The following PDE1C variants were observed in gnomAD, a reference collection of about 807,000 sequenced individuals.
PDE1C encodes phosphodiesterase 1C, also known as dual specificity calcium/calmodulin-dependent 3',5'-cyclic nucleotide phosphodiesterase 1C.
PDE1C carries 62 observed loss-of-function variants against 93.1 expected under a neutral mutation model. That is an observed-to-expected ratio of 0.67 (90% CI 0.54 to 0.82). The LOEUF is 0.82. PDE1C is among the 40% of genes least tolerant of loss of function. The pLI, the probability that PDE1C is intolerant of heterozygous loss-of-function variation, is 0.00. For missense variants in PDE1C, 742 were observed against 884.6 expected (o/e 0.84, Z 2.04); for synonymous variants, 325 against 310.1 (o/e 1.05, Z -0.50).
chr7:32,356,870 A>G lies in PDE1C; in HGVS notation c.310+70952T>C, dbSNP rs1784040200. On this transcript the variant is annotated intron_variant, in intron 1 of 1. Transcript: ENST00000672256. ...TGATTTCCATAGCTAAGAGAGTGAA[A>G]TTCATCCCCGGGTTTGAAAAGCGAG... 3.3e-5 allele frequency among the ~76,000 whole-genome samples: 5 copies of G among 152,228 alleles called. No homozygotes were observed. The South Asian group carries it at 1.0e-3, about 32-fold the overall frequency.
At chr7:32,118,012 G>A (rs766855) in intron 3 of PDE1C, among the ~76,000 whole-genome samples, 19,153 of 152,144 alleles carry the variant, frequency 0.13, 2,144 homozygotes, top group African/African-American at 0.3. Context: ...TGAGCAAGAG[G>A]AGGACAAGCT....
At chr7:31,711,946 C>G in the PDE1C span, among the ~76,000 whole-genome samples, 3 of 152,176 alleles carry the variant, frequency 2.0e-5, no homozygotes, top group African/African-American at 7.2e-5. Flanking sequence ...TCTCCCTTCC[C>G]TCCTACCCAT....
At chr7:32,074,422 G>C (rs1232005659), upstream of PDE1C, among the ~76,000 whole-genome samples, 4 of 152,176 alleles carry the variant, frequency 2.6e-5, no homozygotes, top group African/African-American at 9.7e-5. Context: ...CTTTAGCATA[G>C]TTTAATTATG....
intron 16 of PDE1C, among the ~76,000 whole-genome samples, chr7:31,779,910 G>T (rs1469060011): frequency 6.6e-6 from 1 of 152,244 alleles, no homozygotes; most frequent in African/African-American, 2.4e-5. Flanking sequence ...CTCATGTCCA[G>T]GAAGAACATC....
the PDE1C span, among the ~76,000 whole-genome samples, chr7:31,620,217 G>C: frequency 5.3e-5 from 8 of 152,124 alleles, no homozygotes; most frequent in East Asian, 1.9e-4. Context: ...AACCTCTTCA[G>C]ACTTAAATGT....
chr7:32,187,420 C>T (rs1803955805), intron 2 of PDE1C, among the ~76,000 whole-genome samples: 1 of 151,956 alleles, frequency 6.6e-6, no homozygotes, highest in Admixed American at 6.6e-5. Flanking sequence ...TTACCTTTCC[C>T]ATCTCTTTCT....
chr7:31,650,342 C>G, the PDE1C span, among the ~76,000 whole-genome samples: 3 of 152,112 alleles, frequency 2.0e-5, no homozygotes, highest in Non-Finnish European at 2.9e-5. Context: ...GGGACACAGC[C>G]TTGTGCTGCT....
chr7:32,140,940 A>G (rs142456177), intron 3 of PDE1C, among the ~76,000 whole-genome samples: 8 of 152,346 alleles, frequency 5.3e-5, no homozygotes, highest in Middle Eastern at 6.8e-3. Context: ...TTGATTCCCT[A>G]TGGACTCTCT....
chr7:32,305,191 C>G (rs988522955), intron 1 of PDE1C, among the ~76,000 whole-genome samples: 2 of 152,212 alleles, frequency 1.3e-5, no homozygotes, highest in African/African-American at 4.8e-5. Context: ...TTCCATGATA[C>G]TTCTGTCAGC....
chr7:32,362,873 G>A (rs979327655), intron 1 of PDE1C, among the ~76,000 whole-genome samples: 3 of 152,224 alleles, frequency 2.0e-5, no homozygotes, highest in African/African-American at 7.2e-5. Context: ...GTGTGGCTGG[G>A]TGGCACCTGG....
At chr7:31,636,548 G>A in the PDE1C span, among the ~76,000 whole-genome samples, 1 of 151,988 alleles carries the variant, frequency 6.6e-6, no homozygotes, top group African/African-American at 2.4e-5. Context: ...CTTTTACCAA[G>A]GCTCAACCTC....
At position 31,823,217 on chromosome 7, in the gene PDE1C, G is replaced by A. The variant is rs769715570; in HGVS notation, c.1438C>T (p.Arg480Ter). Reference sequence around the variant, plus strand: ...GAACCAGAGGTCTTGACACCTGATCGCTTGGCATCTGACGAGCTGATGCTA... The same window carrying A: ...GAACCAGAGGTCTTGACACCTGATCACTTGGCATCTGACGAGCTGATGCTA... ...LNSISSSDAK[R>*]SGVKTSGSEG... The change falls in exon 14 of 18, where the codon CGA becomes TGA. Residue 480 changes from arginine to a stop codon, truncating the protein, a stop_gained. Transcript: ENST00000396191. LOFTEE classifies it high-confidence loss of function. 14 of 1,611,406 alleles carry A rather than the reference G, an allele frequency of 8.7e-6. No individual in the cohort carries two copies. Among genetic ancestry groups the A allele is most frequent in the South Asian group, 1.1e-5 (1 of 90,628 alleles).
At chr7:32,387,696 C>A (rs1445063087) in intron 1 of PDE1C, among the ~76,000 whole-genome samples, 5 of 147,936 alleles carry the variant, frequency 3.4e-5, no homozygotes, top group African/African-American at 1.3e-4. Flanking sequence ...CCCCCACCTC[C>A]CTCCCGGACG....
At chr7:32,158,814 T>C (rs1801733635) in intron 3 of PDE1C, among the ~76,000 whole-genome samples, 2 of 152,242 alleles carry the variant, frequency 1.3e-5, no homozygotes, top group Admixed American at 1.3e-4. Flanking sequence ...CGAAGATTTC[T>C]GCCTGCGGAA....
the PDE1C span, among the ~76,000 whole-genome samples, chr7:31,715,607 T>C: frequency 6.6e-6 from 1 of 152,248 alleles, no homozygotes; most frequent in East Asian, 1.9e-4. Flanking sequence ...TGAGTCTGTC[T>C]TCTCCATGTG....
intron 3 of PDE1C, among the ~76,000 whole-genome samples, chr7:32,127,198 C>T (rs1277893133): frequency 6.6e-6 from 1 of 152,156 alleles, no homozygotes; most frequent in East Asian, 1.9e-4. Context: ...ATAATACCAT[C>T]TGCTCTCTCT....
At chr7:32,419,852 A>G (rs1435972707) in intron 1 of PDE1C, among the ~76,000 whole-genome samples, 1 of 151,384 alleles carries the variant, frequency 6.6e-6, no homozygotes, top group Non-Finnish European at 1.5e-5. Context: ...TCTGGTTCCT[A>G]ATCCTAACTC....
chr7:32,144,142 G>T (rs1348950104), intron 3 of PDE1C, among the ~76,000 whole-genome samples: 1 of 152,160 alleles, frequency 6.6e-6, no homozygotes, highest in Non-Finnish European at 1.5e-5. Flanking sequence ...AGGAACTCAT[G>T]GTGACTTAAG....
At chr7:32,005,116 T>G (rs1240610041) in intron 2 of PDE1C, among the ~76,000 whole-genome samples, 1 of 152,168 alleles carries the variant, frequency 6.6e-6, no homozygotes, top group Non-Finnish European at 1.5e-5. Context: ...TAGAGCACCT[T>G]TAAAACATTG....
Sources: allele counts gnomAD v4.1 joint callset (sites outside exome capture counted in the v4.1 genomes callset), GRCh38; gene constraint gnomAD v4.1.1; transcripts MANE v1.5; gene names NCBI Gene and HGNC (gene_info 2026-07-23, HGNC 2026-07-21).